APP: variants seen among roughly 807,000 people sequenced by gnomAD.
APP encodes the protein amyloid-beta precursor protein.
Under a neutral mutation model 101.4 loss-of-function variants are expected in APP, and 31 were observed. That is an observed-to-expected ratio of 0.31 (90% CI 0.23 to 0.41). APP has a LOEUF of 0.41. APP is among the 10% of genes least tolerant of loss of function. The pLI is 1.00. For synonymous variants in APP, 366 were observed against 364.4 expected, an observed-to-expected ratio of 1.00 and a Z score of -0.05; for missense variants, 839 against 1,003.7, an observed-to-expected ratio of 0.84 and a Z score of 2.22.
intron 16 of APP, among the ~76,000 whole-genome samples, chr21:25,896,152 AC>A (rs556487726): frequency 9.6e-4 from 146 of 152,218 alleles, no homozygotes; most frequent in Admixed American, 2.7e-3. Context: ...ATCAAGAGAA[AC>A]CCTGATCTTA....
intron 2 of APP, among the ~76,000 whole-genome samples, chr21:26,097,437 C>T (rs916476484): frequency 2.0e-5 from 3 of 152,160 alleles, no homozygotes; most frequent in East Asian, 3.9e-4. Flanking sequence ...TTTCAGTATA[C>T]ATTAAGTTCC....
At chr21:25,978,725 G>A (rs1340593675) in intron 9 of APP, among the ~76,000 whole-genome samples, 3 of 152,180 alleles carry the variant, frequency 2.0e-5, no homozygotes, top group Admixed American at 1.3e-4. Flanking sequence ...AGGCCCAGGC[G>A]GGTGGATCAC....
At chr21:25,953,587 T>C (rs763805505) in intron 13 of APP, among the ~76,000 whole-genome samples, 11 of 152,226 alleles carry the variant, frequency 7.2e-5, no homozygotes, top group Admixed American at 1.3e-4. Flanking sequence ...ATATGCCAGA[T>C]ACATATTGCT....
chr21:25,932,931 G>C (rs537284650), intron 13 of APP, among the ~76,000 whole-genome samples: 1 of 152,196 alleles, frequency 6.6e-6, no homozygotes, highest in Admixed American at 6.5e-5. Context: ...GAGCCTCTAC[G>C]TTAAGTACCA....
intron 3 of APP, among the ~76,000 whole-genome samples, chr21:26,064,079 A>G (rs879273085): frequency 1.3e-5 from 2 of 152,212 alleles, no homozygotes; most frequent in Non-Finnish European, 2.9e-5. Context: ...GACCAATACA[A>G]AACCTTTAAG....
chr21:26,152,290 A>AAAAAAAAAAAAAAC (rs1569038068), intron 1 of APP, among the ~76,000 whole-genome samples: 9 of 145,064 alleles, frequency 6.2e-5, no homozygotes, highest in African/African-American at 2.5e-4. Context: ...ATCTCAAAAA[A>AAAAAAAAAAAAAAC]AAAAAAAAAA....
intron 1 of APP, among the ~76,000 whole-genome samples, chr21:26,164,586 T>A (rs1206461127): frequency 6.6e-6 from 1 of 152,154 alleles, no homozygotes; most frequent in Non-Finnish European, 1.5e-5. Context: ...GCTGCCAGTG[T>A]GTACAACATT....
chr21:26,089,408 G>A (rs1164268711), intron 3 of APP: 3 of 149,148 alleles, frequency 2.0e-5, no homozygotes, highest in Admixed American at 6.7e-5. Flanking sequence ...TAATCAGACT[G>A]TTTCCTCCAG....
chr21:26,108,723 T>C (rs1339553538), intron 2 of APP, among the ~76,000 whole-genome samples: 2 of 151,660 alleles, frequency 1.3e-5, no homozygotes, highest in African/African-American at 2.4e-5. Flanking sequence ...CTGTCTCTAC[T>C]AAAAATAAAA....
intron 6 of APP, among the ~76,000 whole-genome samples, chr21:26,011,561 C>T (rs1246484013): frequency 1.3e-5 from 2 of 152,060 alleles, no homozygotes; most frequent in African/African-American, 4.8e-5. Context: ...ATGCACAGGA[C>T]AATCATCCGC....
At chr21:26,077,074 AAAAAG>A (rs1568944057) in intron 3 of APP, among the ~76,000 whole-genome samples, 7 of 151,970 alleles carry the variant, frequency 4.6e-5, no homozygotes, top group South Asian at 2.1e-4. Context: ...AAAAAAAAAA[AAAAAG>A]AAAGAAAGAA....
At chr21:25,957,404 CTTG>C (rs2041369302) in intron 11 of APP, among the ~76,000 whole-genome samples, 1 of 152,164 alleles carries the variant, frequency 6.6e-6, no homozygotes, top group South Asian at 2.1e-4. Context: ...AAGGCTGACT[CTTG>C]TTGATTGTGA....
At chr21:26,148,964 T>C (rs1460114693) in intron 1 of APP, among the ~76,000 whole-genome samples, 2 of 152,188 alleles carry the variant, frequency 1.3e-5, no homozygotes, top group African/African-American at 4.8e-5. Flanking sequence ...GACTCCAACA[T>C]CCACACTCAG....
At chr21:26,007,896 G>A (rs566724564) in intron 6 of APP, among the ~76,000 whole-genome samples, 2 of 152,270 alleles carry the variant, frequency 1.3e-5, no homozygotes, top group East Asian at 3.9e-4. Flanking sequence ...AAATATTTAT[G>A]ACCTAGTAAT....
At chr21:26,139,370 T>C (rs953804442) in intron 1 of APP, among the ~76,000 whole-genome samples, 4 of 152,188 alleles carry the variant, frequency 2.6e-5, no homozygotes, top group African/African-American at 9.7e-5. Flanking sequence ...GAAAGGGTTA[T>C]TTCTTCCAAA....
intron 13 of APP, among the ~76,000 whole-genome samples, chr21:25,950,421 C>T (rs565677386): frequency 2.7e-5 from 4 of 148,496 alleles, no homozygotes; most frequent in Non-Finnish European, 5.9e-5. Context: ...GCTCTTGACG[C>T]CCAGGCTGGA....
intron 17 of APP, among the ~76,000 whole-genome samples, chr21:25,890,094 G>A (rs1004141637): frequency 6.6e-6 from 1 of 152,120 alleles, no homozygotes; most frequent in Non-Finnish European, 1.5e-5. Context: ...AGGTGCAATG[G>A]CCAAACATGA....
intron 1 of APP, among the ~76,000 whole-genome samples, chr21:26,135,714 G>A (rs1363865710): frequency 6.6e-6 from 1 of 152,132 alleles, no homozygotes; most frequent in Non-Finnish European, 1.5e-5. Context: ...TGTCCTACCT[G>A]CCTTTCTCTC....
chr21:26,089,805 G>T lies in APP; in HGVS notation c.355+138C>A. ...CAGTGCACAGAATGTAACTGCAAGA[G>T]TCCAAAACACAGTACAACACAGAGT... On this transcript the variant is annotated intron_variant, in intron 3 of 17. Transcript: ENST00000346798. 18 of 1,343,716 alleles carry T rather than the reference G, an allele frequency of 1.3e-5. No homozygotes were observed. In the South Asian group the frequency reaches 2.4e-4, roughly 18 times the overall value. 83.2% of individuals were successfully genotyped at this position (1,343,716 alleles called of 1,614,324 possible).
Sources: allele counts gnomAD v4.1 joint callset (sites outside exome capture counted in the v4.1 genomes callset), GRCh38; gene constraint gnomAD v4.1.1; transcripts MANE v1.5; gene names NCBI Gene and HGNC (gene_info 2026-07-23, HGNC 2026-07-21).